PCDH11X: variants seen among roughly 807,000 people sequenced by gnomAD.
The protein encoded by PCDH11X is protocadherin-11 X-linked.
A neutral mutation model predicts 53.3 loss-of-function variants in PCDH11X; 18 were observed. The observed-to-expected ratio is 0.34, with a 90% CI of 0.23 to 0.50. The LOEUF (loss-of-function observed/expected upper bound fraction) is 0.50, where lower values mean the gene tolerates loss of function less well. PCDH11X is among the 20% of genes least tolerant of loss of function. PCDH11X has a pLI of 0.98. For synonymous variants in PCDH11X, 279 were observed against 393.3 expected (o/e 0.71, Z 3.44); for missense variants, 570 against 1,032.4 (o/e 0.55, Z 6.14).
chrX:91,864,376 TTGTGTGTG>T (rs751742042), intron 5 of PCDH11X, among the ~76,000 whole-genome samples: 1 of 94,792 alleles, frequency 1.1e-5, no homozygotes, highest in Non-Finnish European at 2.0e-5. Flanking sequence ...TGGAGCTCCA[TTGTGTGTG>T]TGTGTGTGTG....
At chrX:91,994,298 T>A (rs1260806515) in intron 6 of PCDH11X, among the ~76,000 whole-genome samples, 2 of 109,116 alleles carry the variant, frequency 1.8e-5, no homozygotes, top group Non-Finnish European at 3.8e-5. Context: ...TTTCACCAAC[T>A]TCTTCCCATT....
chrX:91,811,267 A>G lies in PCDH11X; in HGVS notation c.-73A>G. On this transcript the variant is annotated 5_prime_UTR_variant, in exon 4 of 11. Transcript: ENST00000682573. ...TGCAGAGCACTATGAGGACTGAACG[A>G]CAGTGGGTTTTAATTCAGATATTTC... The G allele has an allele frequency of 8.3e-7, 1 of 1,209,274 alleles. No homozygotes were observed. The highest frequency in any genetic ancestry group is 1.8e-5 in the South Asian group (1 of 56,820).
intron 8 of PCDH11X, chrX:92,387,520 T>G (rs1335746451): frequency 1.5e-5 from 7 of 475,956 alleles, no homozygotes; most frequent in Non-Finnish European, 1.8e-5. Context: ...TGGCTGTGCC[T>G]TGTTTCGAAA....
At chrX:92,028,877 G>T (rs2063005406) in intron 6 of PCDH11X, among the ~76,000 whole-genome samples, 1 of 111,445 alleles carries the variant, frequency 9.0e-6, no homozygotes. Context: ...AAACAGCAAA[G>T]ACAAGCTATC....
chrX:91,878,609 C>T lies in PCDH11X; in HGVS notation c.2369C>T (p.Thr790Ile), dbSNP rs878865194. The T allele has an allele frequency of 4.1e-6, 5 of 1,211,551 alleles. No individual in the cohort carries two copies. Among genetic ancestry groups the T allele is most frequent in the Non-Finnish European group, 5.6e-6 (5 of 895,445 alleles). The change falls in exon 6 of 11, where the codon ACT becomes ATT. Residue 790 changes from threonine (T) to isoleucine (I), a missense_variant. Transcript: ENST00000682573. ...ATTAATGAACTGGTGCGCAAAAGCA[C>T]TGAAGCACCAGTGACCCCAAATACT... ...TLINELVRKS[T>I]EAPVTPNTEI... is the part of the protein sequence containing the mutation.
intron 6 of PCDH11X, among the ~76,000 whole-genome samples, chrX:92,074,023 T>C (rs1236138866): frequency 1.8e-5 from 2 of 111,909 alleles, no homozygotes; most frequent in Non-Finnish European, 1.9e-5. Flanking sequence ...TTATGATGAA[T>C]CATTTACACG....
At chrX:92,269,837 T>C (rs904456212) in intron 8 of PCDH11X, among the ~76,000 whole-genome samples, 1 of 111,658 alleles carries the variant, frequency 9.0e-6, no homozygotes, top group East Asian at 2.8e-4. Flanking sequence ...ACATATTCCT[T>C]GCTATAATTA....
intron 6 of PCDH11X, among the ~76,000 whole-genome samples, chrX:92,016,602 T>G (rs1481039291): frequency 9.2e-6 from 1 of 108,350 alleles, no homozygotes; most frequent in Non-Finnish European, 1.9e-5. Flanking sequence ...TTTTTTTTCC[T>G]GTAGCTTTCT....
chrX:92,244,085 C>T (rs753761995), intron 7 of PCDH11X, among the ~76,000 whole-genome samples: 3 of 109,767 alleles, frequency 2.7e-5, no homozygotes, highest in South Asian at 7.9e-4. Context: ...AATATGATAA[C>T]GAGCTGATAA....
chrX:92,273,711 A>G (rs886648045), intron 8 of PCDH11X, among the ~76,000 whole-genome samples: 17 of 110,575 alleles, frequency 1.5e-4, no homozygotes, highest in Non-Finnish European at 2.6e-4. Flanking sequence ...TATTGTGGGG[A>G]TGCTAGAAGA....
intron 6 of PCDH11X, chrX:91,983,272 G>A (rs3952179): frequency 1.1e-6 from 1 of 899,697 alleles, no homozygotes. Context: ...CTAGTGTATT[G>A]TCGGTGTTCT....
At chrX:92,116,207 G>A (rs2064635380) in intron 6 of PCDH11X, among the ~76,000 whole-genome samples, 1 of 112,139 alleles carries the variant, frequency 8.9e-6, no homozygotes, top group African/African-American at 3.2e-5. Context: ...ACCAGAACTG[G>A]GGTTAATCCA....
At chrX:92,007,729 G>C (rs1338702053) in intron 6 of PCDH11X, among the ~76,000 whole-genome samples, 1 of 111,769 alleles carries the variant, frequency 8.9e-6, no homozygotes, top group Non-Finnish European at 1.9e-5. Flanking sequence ...TTGCCCCGGA[G>C]CCACCATATC....
chrX:92,258,908 C>T (rs1362628012), intron 7 of PCDH11X, among the ~76,000 whole-genome samples: 1 of 111,513 alleles, frequency 9.0e-6, no homozygotes, highest in African/African-American at 3.3e-5. Context: ...CCCAAATACC[C>T]TAAATCATCA....
chrX:92,530,621 G>A (rs1441521323), intron 10 of PCDH11X, among the ~76,000 whole-genome samples: 1 of 112,261 alleles, frequency 8.9e-6, no homozygotes, highest in East Asian at 2.8e-4. Flanking sequence ...TTTAAAAGAT[G>A]TAGAAGGAAT....
chrX:92,247,169 G>T (rs902583544), intron 7 of PCDH11X, among the ~76,000 whole-genome samples: 11 of 111,789 alleles, frequency 9.8e-5, no homozygotes, highest in Admixed American at 9.5e-4. Flanking sequence ...TAGAAAGCTT[G>T]CACATAGTAC....
chrX:92,231,862 C>T (rs1167043653), intron 7 of PCDH11X, among the ~76,000 whole-genome samples: 2 of 111,748 alleles, frequency 1.8e-5, no homozygotes, highest in Non-Finnish European at 3.8e-5. Context: ...TATCTCAGTC[C>T]GTAGTAGCGC....
chrX:92,193,268 A>G (rs1051020367), intron 6 of PCDH11X, among the ~76,000 whole-genome samples: 3 of 111,750 alleles, frequency 2.7e-5, no homozygotes, highest in African/African-American at 9.8e-5. Flanking sequence ...TTTTAACCCT[A>G]GGGTGGGGTG....
chrX:92,429,032 A>AT (rs2148623014), intron 9 of PCDH11X, among the ~76,000 whole-genome samples: 1 of 111,187 alleles, frequency 9.0e-6, no homozygotes, highest in East Asian at 2.8e-4. Context: ...TTGGACCTGC[A>AT]TTTTTTTGTG....
Sources: gnomAD v4.1 joint callset for allele counts (sites outside exome capture counted in the v4.1 genomes callset) on GRCh38, gnomAD v4.1.1 for gene constraint, MANE v1.5 for transcripts, NCBI Gene and HGNC (gene_info 2026-07-23, HGNC 2026-07-21) for gene names.